SLC35D4: variants seen among roughly 807,000 people sequenced by gnomAD.
The protein encoded by SLC35D4 is UDP-N-acetylglucosamine transporter SLC35D4.
the SLC35D4 span, among the ~76,000 whole-genome samples, chr18:23,398,782 A>T: frequency 6.6e-6 from 1 of 152,188 alleles, no homozygotes; most frequent in African/African-American, 2.4e-5. Flanking sequence ...ACATAACAAC[A>T]AGAATTTTAC....
chr18:23,280,108 G>A, the SLC35D4 span, among the ~76,000 whole-genome samples: 2 of 152,258 alleles, frequency 1.3e-5, no homozygotes, highest in African/African-American at 2.4e-5. Context: ...ATAAGCAATG[G>A]GCATTTGTGC....
chr18:23,426,230 A>T, the SLC35D4 span, among the ~76,000 whole-genome samples: 1 of 152,220 alleles, frequency 6.6e-6, no homozygotes, highest in East Asian at 1.9e-4. Context: ...TTGACCACAT[A>T]AAAAATATTT....
the SLC35D4 span, among the ~76,000 whole-genome samples, chr18:23,246,659 G>A: frequency 2.3e-4 from 35 of 151,658 alleles, no homozygotes; most frequent in Admixed American, 5.9e-4. Context: ...CCAAAGTGCT[G>A]GGATTATATG....
the SLC35D4 span, among the ~76,000 whole-genome samples, chr18:23,244,255 T>C: frequency 6.6e-6 from 1 of 152,218 alleles, no homozygotes; most frequent in Admixed American, 6.5e-5. Context: ...TTGACAAATA[T>C]TTGACACTGA....
chr18:23,354,041 C>T, the SLC35D4 span, among the ~76,000 whole-genome samples: 1 of 152,200 alleles, frequency 6.6e-6, no homozygotes, highest in African/African-American at 2.4e-5. Flanking sequence ...GGCGCTGGCA[C>T]AGCAGTGGAC....
the SLC35D4 span, among the ~76,000 whole-genome samples, chr18:23,347,493 C>T: frequency 3.0e-4 from 45 of 152,192 alleles, no homozygotes; most frequent in African/African-American, 9.4e-4. Flanking sequence ...GGCGTGATCA[C>T]GGCTCACTGC....
At chr18:23,252,027 A>T in the SLC35D4 span, among the ~76,000 whole-genome samples, 1 of 151,830 alleles carries the variant, frequency 6.6e-6, no homozygotes, top group African/African-American at 2.4e-5. Context: ...CGGAGGTTGC[A>T]GCGAACCAAG....
the SLC35D4 span, among the ~76,000 whole-genome samples, chr18:23,400,262 C>A: frequency 6.6e-6 from 1 of 152,188 alleles, no homozygotes; most frequent in Non-Finnish European, 1.5e-5. Flanking sequence ...AATTTAGAAT[C>A]AAAATCCTAG....
At chr18:23,308,874 CTCTG>C in the SLC35D4 span, among the ~76,000 whole-genome samples, 3 of 144,178 alleles carry the variant, frequency 2.1e-5, no homozygotes, top group African/African-American at 7.8e-5. Flanking sequence ...CTCTCTCTCT[CTCTG>C]TGTGTGTGTG....
chr18:23,355,113 T>C, the SLC35D4 span, among the ~76,000 whole-genome samples: 1 of 152,106 alleles, frequency 6.6e-6, no homozygotes, highest in Non-Finnish European at 1.5e-5. Context: ...GGAAAACCAA[T>C]GCATTCCTCA....
chr18:23,303,627 G>A, the SLC35D4 span, among the ~76,000 whole-genome samples: 8 of 152,236 alleles, frequency 5.3e-5, no homozygotes, highest in African/African-American at 1.7e-4. Context: ...GGGGCTGGGC[G>A]CAGTGGCTCA....
chr18:23,272,887 C>CTTCCACCAATCTA, the SLC35D4 span, among the ~76,000 whole-genome samples: 1 of 152,194 alleles, frequency 6.6e-6, no homozygotes, highest in African/African-American at 2.4e-5. Flanking sequence ...CCTAGACTCT[C>CTTCCACCAATCTA]GAATCCTGAT....
At chr18:23,251,747 T>C in the SLC35D4 span, among the ~76,000 whole-genome samples, 1 of 152,140 alleles carries the variant, frequency 6.6e-6, no homozygotes, top group African/African-American at 2.4e-5. Flanking sequence ...TTGTTCAACC[T>C]TAAAGGAAAT....
chr18:23,297,623 G>C, the SLC35D4 span: 45 of 183,940 alleles, frequency 2.4e-4, no homozygotes, highest in Non-Finnish European at 4.4e-4. Context: ...GTGTTTGGGA[G>C]AGAGCATGTG....
chr18:23,333,840 G>T, the SLC35D4 span, among the ~76,000 whole-genome samples: 1 of 152,174 alleles, frequency 6.6e-6, no homozygotes, highest in African/African-American at 2.4e-5. Context: ...GGTAGTCATC[G>T]TACAAAGGAC....
chr18:23,421,327 A>G, the SLC35D4 span: 3 of 1,506,032 alleles, frequency 2.0e-6, no homozygotes, highest in African/African-American at 4.1e-5. Flanking sequence ...AAGCAAGCAG[A>G]GTGTGAATCA....
At chr18:23,374,485 C>G in the SLC35D4 span, among the ~76,000 whole-genome samples, 1 of 139,384 alleles carries the variant, frequency 7.2e-6, no homozygotes, top group Admixed American at 7.3e-5. Context: ...GATATGACAT[C>G]TTTTTTTTTT....
chr18:23,340,452 G>C, the SLC35D4 span, among the ~76,000 whole-genome samples: 1 of 152,274 alleles, frequency 6.6e-6, no homozygotes, highest in Middle Eastern at 3.4e-3. Flanking sequence ...GAGGTGCCTA[G>C]GCTGCGGCAT....
At chr18:23,285,950 A>G in the SLC35D4 span, among the ~76,000 whole-genome samples, 1 of 152,122 alleles carries the variant, frequency 6.6e-6, no homozygotes. Context: ...TCAAATATAA[A>G]AATCCAGCCC....
Sources: allele counts gnomAD v4.1 joint callset (sites outside exome capture counted in the v4.1 genomes callset), GRCh38; gene constraint gnomAD v4.1.1; transcripts MANE v1.5; gene names NCBI Gene and HGNC (gene_info 2026-07-23, HGNC 2026-07-21).